The following CNBD1 variants were observed in gnomAD, a reference collection of about 807,000 sequenced individuals.
CNBD1 encodes the protein cyclic nucleotide binding domain containing 1.
Under a neutral mutation model 54.4 loss-of-function variants are expected in CNBD1, and 71 were observed. The observed-to-expected ratio is 1.30, with a 90% CI of 1.08 to 1.59. The LOEUF (loss-of-function observed/expected upper bound fraction) is 1.59. Ranked by LOEUF, CNBD1 falls within the 40% of genes most tolerant of loss-of-function variation. The pLI is 0.00. For missense variants in CNBD1, 659 were observed against 518.0 expected (o/e 1.27, Z -2.64); for synonymous variants, 182 against 170.7 (o/e 1.07, Z -0.51).
chr8:86,924,066 C>T (rs1023422200), intron 3 of CNBD1, among the ~76,000 whole-genome samples: 2 of 152,116 alleles, frequency 1.3e-5, no homozygotes, highest in Non-Finnish European at 2.9e-5. Context: ...GGTTTTGTTA[C>T]TATTGGTGGC....
At position 87,261,693 on chromosome 8, in the gene CNBD1, G is replaced by A. The variant is rs147747799; in HGVS notation, c.772-22985G>A. ...GGCCATTGGGATTGGCCAAGACTCC[G>A]TTATTGTTACAGGTGCCTACTTCTA... is the stretch of plus-strand genomic sequence containing the variant. On this transcript the variant is annotated intron_variant, in intron 6 of 10. Transcript: ENST00000518476. 1.3e-3 allele frequency among the ~76,000 whole-genome samples: 203 copies of A among 152,188 alleles called. 2 individuals are homozygous for A. In the East Asian group the frequency reaches 0.034, roughly 25 times the overall value.
At chr8:87,025,150 G>A (rs1809609057) in intron 4 of CNBD1, among the ~76,000 whole-genome samples, 1 of 152,030 alleles carries the variant, frequency 6.6e-6, no homozygotes, top group Non-Finnish European at 1.5e-5. Context: ...GTGTCTAAAG[G>A]ATTGTAAACG....
chr8:86,970,976 T>C (rs961599309), intron 4 of CNBD1, among the ~76,000 whole-genome samples: 1 of 152,228 alleles, frequency 6.6e-6, no homozygotes, highest in Non-Finnish European at 1.5e-5. Context: ...CAGATTACAG[T>C]TCTTTGCCAA....
At chr8:87,300,723 C>T (rs931723804) in intron 8 of CNBD1, among the ~76,000 whole-genome samples, 3 of 151,928 alleles carry the variant, frequency 2.0e-5, no homozygotes, top group African/African-American at 7.3e-5. Context: ...CATATACACA[C>T]ACATTCTATT....
At chr8:87,318,466 G>C (rs1471445254) in intron 8 of CNBD1, among the ~76,000 whole-genome samples, 1 of 152,072 alleles carries the variant, frequency 6.6e-6, no homozygotes. Flanking sequence ...AAACTGTTCT[G>C]CATACTCTGT....
At chr8:87,310,753 C>T (rs1365759052) in intron 8 of CNBD1, among the ~76,000 whole-genome samples, 1 of 152,066 alleles carries the variant, frequency 6.6e-6, no homozygotes, top group Non-Finnish European at 1.5e-5. Flanking sequence ...GCTACAGTAA[C>T]CAAAACAGCA....
intron 5 of CNBD1, among the ~76,000 whole-genome samples, chr8:87,215,965 C>T (rs1230278779): frequency 6.6e-6 from 1 of 152,164 alleles, no homozygotes; most frequent in African/African-American, 2.4e-5. Context: ...GAACATTTTG[C>T]ATGAATGGAA....
intron 8 of CNBD1, among the ~76,000 whole-genome samples, chr8:87,299,619 G>C (rs1388107872): frequency 1.3e-5 from 2 of 152,140 alleles, no homozygotes; most frequent in Non-Finnish European, 2.9e-5. Flanking sequence ...AAGTTAATTG[G>C]ATTCCTTGTT....
chr8:87,290,458 A>AG (rs2130874313), intron 8 of CNBD1, among the ~76,000 whole-genome samples: 1 of 152,218 alleles, frequency 6.6e-6, no homozygotes, highest in South Asian at 2.1e-4. Flanking sequence ...AACATTATAC[A>AG]CATATTATTT....
intron 6 of CNBD1, among the ~76,000 whole-genome samples, chr8:87,241,649 G>A (rs1252203075): frequency 6.6e-6 from 1 of 152,084 alleles, no homozygotes; most frequent in South Asian, 2.1e-4. Flanking sequence ...AATAATTATA[G>A]GTTCACTGCT....
At chr8:87,311,489 C>A (rs767399723) in intron 8 of CNBD1, among the ~76,000 whole-genome samples, 1 of 152,042 alleles carries the variant, frequency 6.6e-6, no homozygotes, top group Non-Finnish European at 1.5e-5. Context: ...AATGCCTGTC[C>A]ACAGTTGGTG....
At chr8:87,371,526 C>T (rs900540351) in intron 10 of CNBD1, among the ~76,000 whole-genome samples, 12 of 151,798 alleles carry the variant, frequency 7.9e-5, no homozygotes, top group Non-Finnish European at 1.8e-4. Flanking sequence ...CAGGCAGAGA[C>T]ACAACCAAAA....
intron 1 of CNBD1, among the ~76,000 whole-genome samples, chr8:86,875,542 A>T (rs1808508228): frequency 6.6e-6 from 1 of 152,236 alleles, no homozygotes; most frequent in Admixed American, 6.5e-5. Flanking sequence ...AATTACAATA[A>T]TAGCAAACAC....
chr8:87,378,626 T>G (rs1405341008), intron 10 of CNBD1, among the ~76,000 whole-genome samples: 9 of 148,474 alleles, frequency 6.1e-5, no homozygotes, highest in African/African-American at 2.0e-4. Context: ...AGGATTGACT[T>G]GGCTCTGCAG....
rs1231135476 is a variant in CNBD1, at chr8:87,296,681, A to G, written c.1042+10010A>G. On this transcript the variant is annotated intron_variant, in intron 8 of 10. Coordinates refer to ENST00000518476, the MANE Select transcript of CNBD1 (RefSeq NM_173538.3). ...TAATTTGGTAATGCTGTCGTGACCAATGACCACTGAATTCATTTCCTTTGT... is the reference window on the plus strand; with the variant it reads ...TAATTTGGTAATGCTGTCGTGACCAGTGACCACTGAATTCATTTCCTTTGT... Among the ~76,000 whole-genome samples, 7 of 151,908 alleles carry G rather than the reference A, an allele frequency of 4.6e-5. No individual in the cohort carries two copies. The South Asian group carries it at 8.3e-4, about 18-fold the overall frequency.
downstream of CNBD1, among the ~76,000 whole-genome samples, chr8:87,385,369 C>T (rs1355669147): frequency 6.6e-6 from 1 of 152,076 alleles, no homozygotes; most frequent in African/African-American, 2.4e-5. Context: ...CTTTCCTAGT[C>T]AAAGAAAGGG....
At chr8:86,980,177 C>G (rs2130507181) in intron 4 of CNBD1, among the ~76,000 whole-genome samples, 1 of 152,240 alleles carries the variant, frequency 6.6e-6, no homozygotes, top group Admixed American at 6.5e-5. Flanking sequence ...ACACAGTGTA[C>G]CATAATTCTT....
chr8:87,190,867 A>T (rs375957330), intron 4 of CNBD1, among the ~76,000 whole-genome samples: 2,088 of 59,382 alleles, frequency 0.035, 106 homozygotes, highest in African/African-American at 0.11. Context: ...CTATATCTAA[A>T]TAGATATAGA....
chr8:87,198,698 A>C (rs1813774778), intron 4 of CNBD1, among the ~76,000 whole-genome samples: 1 of 152,212 alleles, frequency 6.6e-6, no homozygotes. Flanking sequence ...ATATTTGAAC[A>C]ATTATTAGAT....
Sources: gnomAD v4.1 joint callset for allele counts (sites outside exome capture counted in the v4.1 genomes callset) on GRCh38, gnomAD v4.1.1 for gene constraint, MANE v1.5 for transcripts, NCBI Gene and HGNC (gene_info 2026-07-23, HGNC 2026-07-21) for gene names.